The following SLC25A26 variants were observed in gnomAD, a reference collection of about 807,000 sequenced individuals.
SLC25A26 encodes the protein solute carrier family 25 member 26.
In SLC25A26, 36 loss-of-function variants were observed where a neutral mutation model predicts 37.8. That is an observed-to-expected ratio of 0.95 (90% confidence interval 0.73 to 1.26). The LOEUF is 1.26. Ranked by LOEUF, SLC25A26 falls within the 50% of genes most tolerant of loss-of-function variation. The pLI is 0.00. For synonymous variants in SLC25A26, 129 were observed against 122.5 expected (o/e 1.05, Z -0.35); for missense variants, 390 against 331.1 (o/e 1.18, Z -1.38).
At chr3:66,153,164 T>C (rs1345799091) in intron 1 of SLC25A26, among the ~76,000 whole-genome samples, 1 of 152,192 alleles carries the variant, frequency 6.6e-6, no homozygotes, top group Non-Finnish European at 1.5e-5. Context: ...AAATTACTAC[T>C]GATAACTTTT....
At chr3:66,181,985 G>C (rs1226850716) in intron 1 of SLC25A26, among the ~76,000 whole-genome samples, 1 of 151,944 alleles carries the variant, frequency 6.6e-6, no homozygotes, top group African/African-American at 2.4e-5. Flanking sequence ...TCTCCCTAAG[G>C]GTGGCCTTGC....
In SLC25A26 at chr3:66,262,092, G is replaced by C. The variant is rs1384948905; in HGVS notation, c.342G>C (p.Gln114His). Reference protein sequence around the residue: ...LIRVPSEVVKQRAQVSASTRT... With the variant: ...LIRVPSEVVKHRAQVSASTRT... Reference sequence around the variant, plus strand: ...GAGTTCCATCTGAAGTGGTTAAGCAGAGGGCACAGGTATCTGCTTCTACAA... The same window carrying C: ...GAGTTCCATCTGAAGTGGTTAAGCACAGGGCACAGGTATCTGCTTCTACAA... Residue 114 changes from glutamine (Q) to histidine (H), a missense_variant, in exon 4 of 10, where the codon CAG becomes CAC. Physicochemically the swap from Gln to His is conservative, Grantham distance 24 (BLOSUM62 0). Coordinates refer to ENST00000354883, the MANE Select transcript of SLC25A26 (RefSeq NM_001379210.1). 1.3e-6 allele frequency: 2 copies of C among 1,590,746 alleles called. No individual in the cohort carries two copies. Among genetic ancestry groups the C allele is most frequent in the African/African-American group, 1.3e-5 (1 of 74,492 alleles).
chr3:66,159,715 T>C (rs1000296355), intron 1 of SLC25A26, among the ~76,000 whole-genome samples: 1 of 152,226 alleles, frequency 6.6e-6, no homozygotes, highest in African/African-American at 2.4e-5. Context: ...AAAAGCCTGA[T>C]AGATCTTTTG....
At chr3:66,144,776 A>G (rs766830081) in intron 1 of SLC25A26, among the ~76,000 whole-genome samples, 1 of 152,206 alleles carries the variant, frequency 6.6e-6, no homozygotes, top group Non-Finnish European at 1.5e-5. Flanking sequence ...CATTGCAATC[A>G]TTGCTAACTC....
At chr3:66,320,220 A>G (rs2075657864) in intron 5 of SLC25A26, among the ~76,000 whole-genome samples, 1 of 152,086 alleles carries the variant, frequency 6.6e-6, no homozygotes, top group East Asian at 1.9e-4. Context: ...TGTTTTCATC[A>G]CTCCAGATAC....
chr3:66,347,475 C>G (rs1046644104), intron 6 of SLC25A26, among the ~76,000 whole-genome samples: 1 of 152,182 alleles, frequency 6.6e-6, no homozygotes, highest in African/African-American at 2.4e-5. Context: ...CAAGAAACAA[C>G]AGATGCTGGT....
At chr3:66,257,623 A>T (rs1000216489) in intron 3 of SLC25A26, among the ~76,000 whole-genome samples, 1 of 152,150 alleles carries the variant, frequency 6.6e-6, no homozygotes, top group African/African-American at 2.4e-5. Flanking sequence ...TGGGGTCTTC[A>T]TGTATTATTT....
At chr3:66,321,819 T>C (rs1273260002) in intron 5 of SLC25A26, among the ~76,000 whole-genome samples, 1 of 152,030 alleles carries the variant, frequency 6.6e-6, no homozygotes, top group Non-Finnish European at 1.5e-5. Context: ...CAGGAGGAAC[T>C]TTATCTTAGT....
Position 66,243,260 on chromosome 3 carries a change from C to A in SLC25A26, c.248C>A (p.Ser83Tyr). ...AAGTGGTTTTTGCATGCTGATTCAT[C>A]TTCATATTTGACACCTATGAAACAT... ...YVKWFLHADS[S>Y]SYLTPMKHML... Residue 83 changes from serine (S) to tyrosine (Y), a missense_variant, in exon 3 of 10, where the codon TCT (serine) becomes TAT (tyrosine). By Grantham distance (144) the Ser-to-Tyr change is moderately radical. Transcript: ENST00000354883. 1 of 1,610,088 alleles carries A rather than the reference C, an allele frequency of 6.2e-7. No individual in the cohort carries two copies. The highest frequency in any genetic ancestry group is 8.5e-7 in the Non-Finnish European group (1 of 1,177,552).
At chr3:66,164,191 C>G (rs887003013) in intron 1 of SLC25A26, among the ~76,000 whole-genome samples, 4 of 152,060 alleles carry the variant, frequency 2.6e-5, no homozygotes, top group Non-Finnish European at 5.9e-5. Context: ...AGAATTTTTC[C>G]AGCTGCAATT....
intron 3 of SLC25A26, among the ~76,000 whole-genome samples, chr3:66,260,097 A>T (rs559694318): frequency 6.6e-6 from 1 of 152,216 alleles, no homozygotes; most frequent in South Asian, 2.1e-4. Flanking sequence ...CTCATCCAGA[A>T]GGTTCTATAA....
intron 6 of SLC25A26, among the ~76,000 whole-genome samples, chr3:66,348,998 C>A (rs938584129): frequency 2.0e-5 from 3 of 152,198 alleles, no homozygotes; most frequent in African/African-American, 7.2e-5. Flanking sequence ...CAATAACCAG[C>A]ATTCACACAG....
intron 1 of SLC25A26, among the ~76,000 whole-genome samples, chr3:66,171,098 C>T (rs1343694510): frequency 6.6e-6 from 1 of 152,204 alleles, no homozygotes; most frequent in South Asian, 2.1e-4. Context: ...CCACCGCGCC[C>T]GGCCGTGATT....
intron 1 of SLC25A26, 113 bp downstream of exon 1, chr3:66,221,240 G>C (rs782701036): frequency 6.9e-5 from 82 of 1,180,578 alleles, no homozygotes; most frequent in Non-Finnish European, 9.1e-5. Flanking sequence ...ACTGTCCTCG[G>C]GTTACTGGCA....
intron 5 of SLC25A26, among the ~76,000 whole-genome samples, chr3:66,331,409 C>G (rs1177272742): frequency 6.6e-6 from 1 of 152,064 alleles, no homozygotes; most frequent in Non-Finnish European, 1.5e-5. Flanking sequence ...ACTTAATACC[C>G]TTTAAAAAAA....
At chr3:66,172,084 G>A (rs1437094777) in intron 1 of SLC25A26, among the ~76,000 whole-genome samples, 1 of 152,052 alleles carries the variant, frequency 6.6e-6, no homozygotes, top group Non-Finnish European at 1.5e-5. Context: ...ATCTTATGTA[G>A]CAAATGCTAG....
chr3:66,230,709 G>T (rs932035637), intron 1 of SLC25A26, among the ~76,000 whole-genome samples: 2 of 151,402 alleles, frequency 1.3e-5, no homozygotes, highest in South Asian at 4.2e-4. Context: ...GTAGGCTGAG[G>T]CGGGAGAATC....
At chr3:66,245,158 T>C (rs2072770847) in intron 3 of SLC25A26, among the ~76,000 whole-genome samples, 3 of 151,240 alleles carry the variant, frequency 2.0e-5, no homozygotes, top group African/African-American at 7.3e-5. Context: ...TCCTCCTGAC[T>C]CAGCCTCCCA....
intron 1 of SLC25A26, among the ~76,000 whole-genome samples, chr3:66,215,566 C>T (rs1229861910): frequency 1.3e-5 from 2 of 152,118 alleles, no homozygotes; most frequent in Non-Finnish European, 2.9e-5. Context: ...ACATTATTTT[C>T]TTCTAAATGG....
Sources: gnomAD v4.1 joint callset for allele counts (sites outside exome capture counted in the v4.1 genomes callset) on GRCh38, gnomAD v4.1.1 for gene constraint, MANE v1.5 for transcripts, NCBI Gene and HGNC (gene_info 2026-07-23, HGNC 2026-07-21) for gene names.